MYT1L: variants seen among roughly 807,000 people sequenced by gnomAD.
MYT1L encodes myelin transcription factor 1 like, also known as myelin transcription factor 1-like protein.
In MYT1L, 12 loss-of-function variants were observed where a neutral mutation model predicts 126.7. The ratio of observed to expected loss-of-function variants is 0.09; its 90% CI spans 0.06 to 0.15. MYT1L has a LOEUF of 0.15. Ranked by LOEUF, MYT1L falls within the 10% of genes least tolerant of loss-of-function variation. The pLI is 1.00. For missense variants in MYT1L, 979 were observed against 1,585.2 expected, an observed-to-expected ratio of 0.62 and a Z score of 6.49; for synonymous variants, 541 against 604.2, an observed-to-expected ratio of 0.90 and a Z score of 1.53.
intron 3 of MYT1L, among the ~76,000 whole-genome samples, chr2:2,157,400 C>T (rs1461670847): frequency 2.6e-5 from 4 of 152,216 alleles, no homozygotes; most frequent in African/African-American, 9.6e-5. Context: ...GTAAAATAAC[C>T]ATTTAATAAT....
chr2:2,201,697 C>CAAAA (rs34259469), intron 2 of MYT1L, among the ~76,000 whole-genome samples: 1 of 130,700 alleles, frequency 7.7e-6, no homozygotes, highest in Non-Finnish European at 1.7e-5. Flanking sequence ...GACTCTGCCT[C>CAAAA]AAAAAAAAAA....
intron 3 of MYT1L, among the ~76,000 whole-genome samples, chr2:2,113,222 TG>T (rs1364767038): frequency 6.6e-6 from 1 of 151,666 alleles, no homozygotes. Flanking sequence ...AATTGGAGAG[TG>T]ACTTGGGATT....
chr2:1,861,931 G>C (rs77042905), intron 18 of MYT1L, among the ~76,000 whole-genome samples: 24 of 39,140 alleles, frequency 6.1e-4, no homozygotes, highest in East Asian at 1.6e-3. Flanking sequence ...CCTGCAGCCT[G>C]TGTAATCCTG....
At chr2:1,949,698 TC>T (rs2057564656) in intron 8 of MYT1L, among the ~76,000 whole-genome samples, 1 of 152,194 alleles carries the variant, frequency 6.6e-6, no homozygotes, top group Non-Finnish European at 1.5e-5. Context: ...CAGCGTGTGC[TC>T]TGCTCCCAAC....
chr2:2,121,257 C>A (rs1196409231), intron 3 of MYT1L, among the ~76,000 whole-genome samples: 1 of 152,182 alleles, frequency 6.6e-6, no homozygotes, highest in African/African-American at 2.4e-5. Context: ...CTGCAAACTC[C>A]ACCTCCCGGG....
At chr2:2,067,881 C>G (rs977624440) in intron 3 of MYT1L, among the ~76,000 whole-genome samples, 2 of 151,844 alleles carry the variant, frequency 1.3e-5, no homozygotes, top group African/African-American at 2.4e-5. Context: ...AAGCATTTCA[C>G]AAGCGGGAAC....
intron 2 of MYT1L, among the ~76,000 whole-genome samples, chr2:2,222,966 G>A (rs1054846416): frequency 2.0e-5 from 3 of 152,172 alleles, no homozygotes; most frequent in Admixed American, 6.5e-5. Flanking sequence ...TCCAAGAATC[G>A]ACATTCTTAC....
intron 14 of MYT1L, among the ~76,000 whole-genome samples, chr2:1,895,783 A>T (rs914759175): frequency 2.6e-5 from 4 of 152,068 alleles, no homozygotes; most frequent in African/African-American, 9.7e-5. Context: ...CTTGGCAAAT[A>T]TTTTTTTTGA....
rs749078708 is a variant in MYT1L at position 1,917,048 on chromosome 2, C to G, written c.1618+157G>C. On this transcript the variant is annotated intron_variant, in intron 11 of 24. Transcript: ENST00000647738. This position sits in a 1 kb window ranked among gnomAD's most constrained non-coding sequence, Gnocchi z 5.9. ...TGGGGCTGTGCCATTGGCATGCCCACGAATCCTGGATCAGTTGCCCATCAA... is the reference window on the plus strand; with the variant it reads ...TGGGGCTGTGCCATTGGCATGCCCAGGAATCCTGGATCAGTTGCCCATCAA... Among the ~76,000 whole-genome samples the G allele has an allele frequency of 6.6e-6, 1 of 152,100 alleles. No individual in the cohort carries two copies. The highest frequency in any genetic ancestry group is 1.5e-5 in the Non-Finnish European group (1 of 68,030).
chr2:1,844,800 G>A (rs564051818), intron 19 of MYT1L, among the ~76,000 whole-genome samples: 50 of 152,138 alleles, frequency 3.3e-4, no homozygotes, highest in African/African-American at 1.9e-4. Context: ...ACAAAAAGTC[G>A]CTCCCCCTCG....
intron 4 of MYT1L, among the ~76,000 whole-genome samples, chr2:2,048,489 G>A (rs1433433399): frequency 6.6e-6 from 1 of 152,166 alleles, no homozygotes; most frequent in Admixed American, 6.5e-5. Context: ...TGACACCGCT[G>A]GGACCTCTCA....
intron 3 of MYT1L, among the ~76,000 whole-genome samples, chr2:2,105,745 A>C (rs2078669738): frequency 6.6e-6 from 1 of 152,222 alleles, no homozygotes; most frequent in Non-Finnish European, 1.5e-5. Flanking sequence ...GGGGTTACTC[A>C]ATGAAGCTAA....
chr2:1,812,955 C>G (rs1202653170), intron 21 of MYT1L, among the ~76,000 whole-genome samples: 1 of 151,838 alleles, frequency 6.6e-6, no homozygotes, highest in Non-Finnish European at 1.5e-5. Context: ...GGGTGAGGGC[C>G]TCCTGCAGAG....
chr2:1,804,167 C>G (rs531378216), intron 22 of MYT1L, among the ~76,000 whole-genome samples: 3 of 152,314 alleles, frequency 2.0e-5, no homozygotes, highest in African/African-American at 7.2e-5. Flanking sequence ...GTTGCCCAGG[C>G]TGGAGTGCAA....
At chr2:1,835,342 A>G (rs886600228) in intron 21 of MYT1L, among the ~76,000 whole-genome samples, 7 of 152,208 alleles carry the variant, frequency 4.6e-5, no homozygotes, top group Non-Finnish European at 8.8e-5. Flanking sequence ...TAGTTACACA[A>G]AAGTGTTGAA....
chr2:2,107,645 T>C (rs777704088), intron 3 of MYT1L, among the ~76,000 whole-genome samples: 3 of 152,188 alleles, frequency 2.0e-5, no homozygotes, highest in African/African-American at 4.8e-5. Flanking sequence ...GTCTCCATTG[T>C]ACTTGGCAAT....
intron 8 of MYT1L, among the ~76,000 whole-genome samples, chr2:1,946,484 A>C (rs1467592742): frequency 6.6e-6 from 1 of 152,058 alleles, no homozygotes; most frequent in East Asian, 1.9e-4. Flanking sequence ...GAGCTGAGGG[A>C]CTTCATTGCC....
intron 4 of MYT1L, among the ~76,000 whole-genome samples, chr2:2,008,093 C>T (rs1202516117): frequency 6.6e-6 from 1 of 152,182 alleles, no homozygotes; most frequent in Non-Finnish European, 1.5e-5. Context: ...TGTGGACCCC[C>T]CAATAGATGA....
At chr2:2,217,734 GAAAA>G (rs1432850812) in intron 2 of MYT1L, among the ~76,000 whole-genome samples, 19 of 129,968 alleles carry the variant, frequency 1.5e-4, no homozygotes, top group Admixed American at 8.8e-4. Context: ...GAAGGAAAAA[GAAAA>G]GAAAGAAAGA....
Sources: gnomAD v4.1 joint callset for allele counts (sites outside exome capture counted in the v4.1 genomes callset) on GRCh38, gnomAD v4.1.1 for gene constraint, Gnocchi (gnomAD v3.1) non-coding constraint, MANE v1.5 for transcripts, NCBI Gene and HGNC (gene_info 2026-07-23, HGNC 2026-07-21) for gene names.